Variants in KAZN observed in about 807,000 individuals in gnomAD.
The protein encoded by KAZN is kazrin.
In KAZN, 40 loss-of-function variants were observed where a neutral mutation model predicts 87.4. That is an observed-to-expected ratio of 0.46 (90% CI 0.36 to 0.60). The LOEUF (loss-of-function observed/expected upper bound fraction) is 0.60. KAZN is among the 20% of genes least tolerant of loss of function. KAZN has a pLI of 0.00. For missense variants in KAZN, 898 were observed against 1,073.9 expected (o/e 0.84, Z 2.29); for synonymous variants, 466 against 458.3 (o/e 1.02, Z -0.22).
At position 15,049,101 on chromosome 1, in the gene KAZN, C is replaced by CA. The variant is rs1553180590; in HGVS notation, c.726+4942_726+4943insA. ...GTACTCCATGGGGTGACGGCTTTGC[C>CA]GGGAGGCTTTTGACGGGAGTCCAGC... is the stretch of plus-strand genomic sequence containing the variant. On this transcript the variant is annotated intron_variant, in intron 4 of 14. Coordinates refer to ENST00000376030, the MANE Select transcript of KAZN (RefSeq NM_201628.3). Among the ~76,000 whole-genome samples the CA allele has an allele frequency of 4.6e-5, 7 of 152,020 alleles. No individual in the cohort carries two copies. In the South Asian group the frequency reaches 1.2e-3, roughly 27 times the overall value.
chr1:14,190,488 A>G (rs1047172366), intron 2 of KAZN, among the ~76,000 whole-genome samples: 1 of 152,112 alleles, frequency 6.6e-6, no homozygotes, highest in African/African-American at 2.4e-5. Context: ...GTCATTCTTT[A>G]CTTTCTTTCT....
intron 1 of KAZN, among the ~76,000 whole-genome samples, chr1:14,720,612 T>C (rs1342343703): frequency 6.6e-6 from 1 of 152,254 alleles, no homozygotes; most frequent in African/African-American, 2.4e-5. Flanking sequence ...CTTAACTTTC[T>C]GTGCAATCTT....
At chr1:14,784,969 CTTT>C (rs143932268) in intron 1 of KAZN, among the ~76,000 whole-genome samples, 34 of 136,078 alleles carry the variant, frequency 2.5e-4, no homozygotes, top group African/African-American at 7.5e-4. Context: ...AGACTGCTTA[CTTT>C]TTTTTTTTTT....
chr1:14,763,168 G>A (rs1388946640), intron 1 of KAZN, among the ~76,000 whole-genome samples: 1 of 152,230 alleles, frequency 6.6e-6, no homozygotes, highest in East Asian at 1.9e-4. Flanking sequence ...GCAGGCAAGA[G>A]CTGCCATTAG....
chr1:14,539,351 T>G (rs1672677766), intron 2 of KAZN, among the ~76,000 whole-genome samples: 2 of 152,232 alleles, frequency 1.3e-5, no homozygotes, highest in Admixed American at 6.5e-5. Flanking sequence ...TATCCTCGAC[T>G]GGATCCTGGA....
intron 1 of KAZN, among the ~76,000 whole-genome samples, chr1:14,642,707 C>A (rs1427456995): frequency 6.6e-6 from 1 of 152,032 alleles, no homozygotes; most frequent in Non-Finnish European, 1.5e-5. Context: ...GTTCCCAAGA[C>A]AAAGAAACGA....
At chr1:14,943,714 G>A (rs191459705) in intron 1 of KAZN, among the ~76,000 whole-genome samples, 68 of 152,370 alleles carry the variant, frequency 4.5e-4, no homozygotes, top group African/African-American at 1.6e-3. Context: ...TGCCTTGCTT[G>A]GAGATGTGTT....
chr1:14,776,070 C>T lies in KAZN; in HGVS notation c.226+176847C>T, dbSNP rs139320446. ...TGACGCCCAGGCTGGAGTGCAATGG[C>T]GCGATCTCAGCTCACTGCAACTTCT... On this transcript the variant is annotated intron_variant, in intron 1 of 14. Transcript: ENST00000376030. Among the ~76,000 whole-genome samples the T allele has an allele frequency of 7.0e-3, 1,067 of 152,262 alleles. 21 individuals are homozygous for T. Among genetic ancestry groups the T allele is most frequent in the African/African-American group, 0.024 (1,005 of 41,540 alleles).
rs575390087 is a variant in KAZN, at chr1:14,508,929, G to T, written c.250-90054G>T. Among the ~76,000 whole-genome samples, 11 of 152,322 alleles carry T rather than the reference G, an allele frequency of 7.2e-5. 1 individual carries two copies. The South Asian group carries it at 2.1e-3, about 29-fold the overall frequency. ...TAGGAAGGGCATTTCTGGGATCATT[G>T]CTTGCCTGTTCTGTCCTGTAAGAAA... On this transcript the variant is annotated intron_variant, in intron 2 of 16. Coordinates refer to the KAZN transcript ENST00000636203.
chr1:15,085,758 A>G (rs1274932903), intron 8 of KAZN, among the ~76,000 whole-genome samples: 2 of 152,240 alleles, frequency 1.3e-5, no homozygotes, highest in African/African-American at 4.8e-5. Flanking sequence ...GATAGGAAAA[A>G]ATAGAATTAG....
intron 2 of KAZN, among the ~76,000 whole-genome samples, chr1:15,022,391 G>C (rs1266979381): frequency 1.3e-5 from 2 of 152,212 alleles, no homozygotes; most frequent in African/African-American, 4.8e-5. Flanking sequence ...GGGAGCTTTT[G>C]CTCTCATTCA....
At chr1:14,126,978 C>T (rs568954117) in intron 1 of KAZN, among the ~76,000 whole-genome samples, 6 of 152,244 alleles carry the variant, frequency 3.9e-5, no homozygotes, top group South Asian at 4.1e-4. Context: ...TGGTGGTAGG[C>T]GCCTGTGATT....
intron 1 of KAZN, among the ~76,000 whole-genome samples, chr1:14,876,034 A>G (rs947295761): frequency 1.3e-5 from 2 of 152,216 alleles, no homozygotes; most frequent in Non-Finnish European, 2.9e-5. Flanking sequence ...GAATGGAGAG[A>G]TTAAAAGCAG....
At chr1:14,891,214 G>C (rs1405317806) in intron 1 of KAZN, among the ~76,000 whole-genome samples, 4 of 152,128 alleles carry the variant, frequency 2.6e-5, no homozygotes, top group Non-Finnish European at 1.5e-5. Flanking sequence ...GGTTACATGA[G>C]TACGTTCTTT....
intron 1 of KAZN, among the ~76,000 whole-genome samples, chr1:14,920,487 A>G (rs1658386800): frequency 6.6e-6 from 1 of 151,122 alleles, no homozygotes; most frequent in Admixed American, 6.6e-5. Context: ...GTCTTTCCGG[A>G]CCCCCAAATC....
intron 2 of KAZN, among the ~76,000 whole-genome samples, chr1:14,364,002 T>G (rs757364854): frequency 7.9e-5 from 12 of 151,034 alleles, no homozygotes; most frequent in Non-Finnish European, 1.5e-4. Context: ...AAGAGAGAGA[T>G]ATAGCAGGTA....
rs189114074 is a variant in KAZN, at chr1:13,919,677, C to G, written c.91+25921C>G. Among the ~76,000 whole-genome samples, 4 of 152,228 alleles carry G rather than the reference C, an allele frequency of 2.6e-5. No individual in the cohort carries two copies. In the East Asian group the frequency reaches 7.7e-4, roughly 29 times the overall value. ...TTTGTCCATTTCTGTATTGGGTTAT[C>G]TGTGTTTTCCTTATTAAATTTTAAA... On this transcript the variant is annotated intron_variant, in intron 1 of 16. Coordinates refer to the KAZN transcript ENST00000636203.
chr1:14,161,089 A>C (rs1645699929), intron 1 of KAZN, among the ~76,000 whole-genome samples: 1 of 152,246 alleles, frequency 6.6e-6, no homozygotes, highest in Non-Finnish European at 1.5e-5. Context: ...TATCTTAAAC[A>C]CAAGTTTTTA....
intron 2 of KAZN, among the ~76,000 whole-genome samples, chr1:14,548,267 C>T (rs1267734813): frequency 2.7e-5 from 4 of 149,208 alleles, no homozygotes; most frequent in Admixed American, 6.7e-5. Context: ...GGTGCGATCT[C>T]GGCTCACTGC....
Sources: allele counts gnomAD v4.1 joint callset (sites outside exome capture counted in the v4.1 genomes callset), GRCh38; gene constraint gnomAD v4.1.1; transcripts MANE v1.5; gene names NCBI Gene and HGNC (gene_info 2026-07-23, HGNC 2026-07-21).